Variants in LMLN observed in about 807,000 individuals in gnomAD.
LMLN encodes the protein leishmanolysin-like peptidase.
A neutral mutation model predicts 92.3 loss-of-function variants in LMLN; 70 were observed. The observed-to-expected ratio is 0.76, with a 90% CI of 0.63 to 0.92. The LOEUF (loss-of-function observed/expected upper bound fraction) is 0.92. Ranked by LOEUF, LMLN falls within the 40% of genes least tolerant of loss-of-function variation. The pLI is 0.00. For synonymous variants in LMLN, 308 were observed against 296.2 expected, an observed-to-expected ratio of 1.04 and a Z score of -0.41; for missense variants, 691 against 814.6, an observed-to-expected ratio of 0.85 and a Z score of 1.85.
chr3:198,006,154 A>G (rs1183618890), intron 11 of LMLN, among the ~76,000 whole-genome samples: 1 of 152,136 alleles, frequency 6.6e-6, no homozygotes, highest in Non-Finnish European at 1.5e-5. Flanking sequence ...AAAATGTTAC[A>G]TGAATGAATT....
intron 11 of LMLN, among the ~76,000 whole-genome samples, chr3:198,014,312 C>G (rs1253717244): frequency 1.3e-4 from 16 of 121,470 alleles, no homozygotes; most frequent in East Asian, 5.5e-4. Context: ...TGACTTCTCT[C>G]CACCCTTCAG....
At chr3:197,983,867 G>A in intron 6 of LMLN, 76 bp from the exon 7 acceptor site, 1 of 964,854 alleles carries the variant, frequency 1.0e-6, no homozygotes. Flanking sequence ...TCCTTGAGCA[G>A]TATTTGATGG....
chr3:198,019,554 T>C lies in LMLN; in HGVS notation c.1365+169T>C, dbSNP rs1340362320. On this transcript the variant is annotated intron_variant, in intron 12 of 15. Transcript: ENST00000330198. This position sits in a 1 kb window ranked among gnomAD's most constrained non-coding sequence, Gnocchi z 5.5. ...TTCCATTTCTTTAAAACTAATGTCCTAATTGATAGCACTTAGTTAAAATCT... is the reference window on the plus strand; with the variant it reads ...TTCCATTTCTTTAAAACTAATGTCCCAATTGATAGCACTTAGTTAAAATCT... Among the ~76,000 whole-genome samples, 1 of 152,246 alleles carries C rather than the reference T, an allele frequency of 6.6e-6. No homozygotes were observed. The highest frequency in any genetic ancestry group is 1.5e-5 in the Non-Finnish European group (1 of 68,036).
Position 198,021,602 on chromosome 3 carries a change from C to A in LMLN, c.1522C>A (p.Pro508Thr). ...AGATTGTAGAATATTGGAAAATCAA[C>A]CAGGTTAGTCGGCTAGTGAAATGAA... Residue 508 changes from proline to threonine, a missense_variant, in exon 13 of 16, where the codon CCA becomes ACA. By Grantham distance (38) the Pro-to-Thr change is conservative. Transcript: ENST00000330198. 1.9e-6 allele frequency: 3 copies of A among 1,613,160 alleles called. No individual in the cohort carries two copies. The Middle Eastern group carries it at 4.9e-4, about 266-fold the overall frequency.
At chr3:197,980,910 C>T (rs139249938) in intron 6 of LMLN, among the ~76,000 whole-genome samples, 10 of 150,932 alleles carry the variant, frequency 6.6e-5, no homozygotes, top group East Asian at 6.0e-4. Flanking sequence ...GCTCGAGACC[C>T]GCTTGGGCAA....
intron 15 of LMLN, 189 bp from the exon 17 acceptor site, chr3:198,038,378 A>C: frequency 1.9e-6 from 1 of 535,896 alleles, no homozygotes; most frequent in Non-Finnish European, 3.3e-6. Flanking sequence ...TTCTTCCTCC[A>C]TATATATTTT....
At chr3:198,003,466 A>G (rs1373315904) in intron 11 of LMLN, among the ~76,000 whole-genome samples, 1 of 152,186 alleles carries the variant, frequency 6.6e-6, no homozygotes, top group African/African-American at 2.4e-5. Flanking sequence ...ACATAGATGC[A>G]AATATTGATT....
chr3:198,027,427 T>C (rs1204337923), intron 14 of LMLN, among the ~76,000 whole-genome samples: 1 of 152,178 alleles, frequency 6.6e-6, no homozygotes, highest in Non-Finnish European at 1.5e-5. Context: ...ACGTGTATAG[T>C]TAAGTGGCAC....
At chr3:197,989,171 G>A (rs1721796733) in intron 8 of LMLN, among the ~76,000 whole-genome samples, 1 of 152,140 alleles carries the variant, frequency 6.6e-6, no homozygotes, top group Admixed American at 6.6e-5. Context: ...GGTTTTCAAG[G>A]CTGCCCAAAA....
Position 197,999,525 on chromosome 3 carries a change from TA to T in LMLN, c.1232+186del, listed in dbSNP as rs201908225. 1.9e-3 allele frequency: 1,141 copies of T among 591,526 alleles called. 18 individuals carry two copies. In the East Asian group the frequency reaches 0.029, roughly 15 times the overall value. The allele number at this position is 591,526 out of a possible 1,614,324, so 36.6% of individuals were successfully genotyped here. A position where few individuals can be genotyped will look rare whatever the true frequency, so the allele number is the denominator to read the frequency against. Reference sequence around the variant, plus strand: ...TCCATTCATTCATTCGTTCATTCAATAAATACTTTTGTTGTTGGTTTTAAAA... The same window carrying T: ...TCCATTCATTCATTCGTTCATTCAATAATACTTTTGTTGTTGGTTTTAAAA... On this transcript the variant is annotated intron_variant, in intron 11 of 15. Transcript: ENST00000330198.
In LMLN at chr3:198,042,591, G is replaced by A. The variant is rs1723437000; in HGVS notation, c.*3924G>A. On this transcript the variant is annotated 3_prime_UTR_variant, in exon 16 of 16. Transcript: ENST00000330198. The surrounding 1 kb of genome is among the most constrained non-coding windows in gnomAD (Gnocchi z 4.2). Reference sequence around the variant, plus strand: ...ACAGGCTGGGCCGGCTGCAGCTGTAGTGGAAGTGAGGGACACAGGGAAGGA... The same window carrying A: ...ACAGGCTGGGCCGGCTGCAGCTGTAATGGAAGTGAGGGACACAGGGAAGGA... 6.6e-6 allele frequency: 1 copy of A among 152,316 alleles called. No homozygotes were observed. The highest frequency in any genetic ancestry group is 6.5e-5 in the Admixed American group (1 of 15,286). 9.4% of individuals were successfully genotyped at this position (152,316 alleles called of 1,614,324 possible).
intron 11 of LMLN, among the ~76,000 whole-genome samples, chr3:198,009,929 C>T (rs1238852454): frequency 2.6e-5 from 4 of 152,050 alleles, no homozygotes; most frequent in African/African-American, 7.2e-5. Flanking sequence ...ATGGGATATC[C>T]ATCCTATGGG....
chr3:198,007,047 A>G (rs1284838738), intron 11 of LMLN, among the ~76,000 whole-genome samples: 1 of 150,428 alleles, frequency 6.6e-6, no homozygotes, highest in African/African-American at 2.5e-5. Flanking sequence ...TTGAGTTTTG[A>G]GAGTTCTTCA....
chr3:198,038,213 G>A (rs1723289189), intron 15 of LMLN: 2 of 227,948 alleles, frequency 8.8e-6, no homozygotes, highest in Admixed American at 1.0e-4. Context: ...TAAATTATAT[G>A]GTCACCCTAC....
At chr3:198,022,072 C>G (rs763074342) in intron 13 of LMLN, among the ~76,000 whole-genome samples, 26 of 152,308 alleles carry the variant, frequency 1.7e-4, no homozygotes, top group Middle Eastern at 3.4e-3. Flanking sequence ...GTGCAAGATC[C>G]TCCAATGCCA....
chr3:197,975,998 C>A (rs1721366602), intron 3 of LMLN, 31 bp from the exon 4 acceptor site: 3 of 1,265,432 alleles, frequency 2.4e-6, no homozygotes, highest in Non-Finnish European at 3.4e-6. Context: ...CCTTATAATT[C>A]TGTTTCTTTT....
intron 11 of LMLN, among the ~76,000 whole-genome samples, chr3:198,015,176 G>A (rs1402226323): frequency 7.1e-6 from 1 of 141,734 alleles, no homozygotes; most frequent in African/African-American, 2.7e-5. Flanking sequence ...ACCCTTCAGA[G>A]CCCCCTAACT....
At chr3:198,027,448 C>A (rs1332068541) in intron 14 of LMLN, among the ~76,000 whole-genome samples, 2 of 152,104 alleles carry the variant, frequency 1.3e-5, no homozygotes, top group Non-Finnish European at 2.9e-5. Flanking sequence ...TAAATACATT[C>A]ACGTTGTCAT....
At chr3:197,980,589 G>A in intron 6 of LMLN, 85 bp downstream of exon 6, 1 of 1,362,810 alleles carries the variant, frequency 7.3e-7, no homozygotes, top group Admixed American at 1.9e-5. Flanking sequence ...AAGATTACAG[G>A]AATCTTGCAT....
Sources: gnomAD v4.1 joint callset for allele counts (sites outside exome capture counted in the v4.1 genomes callset) on GRCh38, gnomAD v4.1.1 for gene constraint, Gnocchi (gnomAD v3.1) non-coding constraint, MANE v1.5 for transcripts, NCBI Gene and HGNC (gene_info 2026-07-23, HGNC 2026-07-21) for gene names.